Variants in GLIS3 observed in about 807,000 individuals in gnomAD.
GLIS3 encodes GLIS family zinc finger 3.
In GLIS3, 53 loss-of-function variants were observed where a neutral mutation model predicts 78.6. The ratio of observed to expected loss-of-function variants is 0.67; its 90% CI spans 0.54 to 0.85. The LOEUF is 0.85. Ranked by LOEUF, GLIS3 falls within the 40% of genes least tolerant of loss-of-function variation. The pLI is 0.00. For synonymous variants in GLIS3, 684 were observed against 509.9 expected (o/e 1.34, Z -4.60); for missense variants, 1,703 against 1,231.1 (o/e 1.38, Z -5.74).
At chr9:4,377,539 G>T in the GLIS3 span, among the ~76,000 whole-genome samples, 1 of 99,172 alleles carries the variant, frequency 1.0e-5, no homozygotes, top group African/African-American at 3.3e-5. Context: ...CTGTGAGCCA[G>T]TTCCCTTTCA....
At chr9:4,192,371 A>T (rs1369078641) in intron 2 of GLIS3, among the ~76,000 whole-genome samples, 1 of 152,234 alleles carries the variant, frequency 6.6e-6, no homozygotes, top group Non-Finnish European at 1.5e-5. Context: ...TGATGCCTCA[A>T]ATAATATTTT....
chr9:3,883,719 C>T (rs1588148176), intron 7 of GLIS3, among the ~76,000 whole-genome samples: 1 of 152,182 alleles, frequency 6.6e-6, no homozygotes, highest in East Asian at 1.9e-4. Flanking sequence ...GGGGTCATTA[C>T]TGCTTTCAAG....
At chr9:4,487,846 G>A in the GLIS3 span, among the ~76,000 whole-genome samples, 1 of 151,736 alleles carries the variant, frequency 6.6e-6, no homozygotes, top group African/African-American at 2.4e-5. Context: ...TGCCATCATG[G>A]CCAGATTATT....
chr9:3,905,558 C>G (rs1823640634), intron 6 of GLIS3, among the ~76,000 whole-genome samples: 1 of 152,106 alleles, frequency 6.6e-6, no homozygotes, highest in Non-Finnish European at 1.5e-5. Flanking sequence ...AACATGAATG[C>G]CTGCAATTGA....
intron 9 of GLIS3, among the ~76,000 whole-genome samples, chr9:3,852,142 T>C (rs1819473572): frequency 6.7e-6 from 1 of 150,212 alleles, no homozygotes; most frequent in Non-Finnish European, 1.5e-5. Context: ...GAGACTACGT[T>C]CCAAAAGAAA....
chr9:3,945,923 C>G (rs569643572), intron 4 of GLIS3, among the ~76,000 whole-genome samples: 2 of 152,256 alleles, frequency 1.3e-5, no homozygotes, highest in South Asian at 4.2e-4. Context: ...TGGGATCAGG[C>G]CTCTCCCCTC....
At chr9:3,989,698 G>C (rs1360069998) in intron 4 of GLIS3, among the ~76,000 whole-genome samples, 1 of 152,160 alleles carries the variant, frequency 6.6e-6, no homozygotes, top group Non-Finnish European at 1.5e-5. Flanking sequence ...CTAGAGGAAA[G>C]ATGAGTGGTT....
intron 8 of GLIS3, among the ~76,000 whole-genome samples, chr9:3,868,090 A>G (rs905406355): frequency 1.3e-5 from 2 of 152,202 alleles, no homozygotes; most frequent in Admixed American, 6.5e-5. Context: ...AACTATTCCA[A>G]TGATCAAGAT....
the GLIS3 span, among the ~76,000 whole-genome samples, chr9:4,416,850 C>T: frequency 6.3e-5 from 8 of 126,338 alleles, no homozygotes; most frequent in Non-Finnish European, 8.1e-5. Flanking sequence ...TGGAGTTTCA[C>T]TCTTGTTGCC....
intron 2 of GLIS3, among the ~76,000 whole-genome samples, chr9:4,257,784 G>A (rs10124777): frequency 0.15 from 22,570 of 151,738 alleles, 1,781 homozygotes; most frequent in African/African-American, 0.17. Context: ...TGTGTTAGCC[G>A]GGATGGTCTC....
intron 1 of GLIS3, among the ~76,000 whole-genome samples, chr9:4,291,647 C>T (rs1315413793): frequency 6.6e-6 from 1 of 151,944 alleles, no homozygotes; most frequent in Non-Finnish European, 1.5e-5. Flanking sequence ...ATGACCACAT[C>T]CGATTCAGGA....
chr9:3,926,636 CTTTT>C (rs903225215), intron 6 of GLIS3, among the ~76,000 whole-genome samples: 14 of 150,354 alleles, frequency 9.3e-5, no homozygotes, highest in African/African-American at 2.2e-4. Flanking sequence ...TTCTTTCTTT[CTTTT>C]GTCTTCTCAC....
intron 4 of GLIS3, among the ~76,000 whole-genome samples, chr9:3,980,908 T>G (rs1313132642): frequency 6.6e-6 from 1 of 152,232 alleles, no homozygotes; most frequent in Admixed American, 6.5e-5. Flanking sequence ...ACACTTGGCA[T>G]TTCAATGAGC....
At chr9:4,233,868 G>A (rs1376575663) in intron 2 of GLIS3, among the ~76,000 whole-genome samples, 1 of 152,166 alleles carries the variant, frequency 6.6e-6, no homozygotes, top group Non-Finnish European at 1.5e-5. Context: ...TAGATCTCCT[G>A]GAGAACTTGC....
chr9:4,265,010 C>CAA (rs35733035), intron 2 of GLIS3, among the ~76,000 whole-genome samples: 31 of 143,014 alleles, frequency 2.2e-4, no homozygotes, highest in Non-Finnish European at 3.5e-4. Context: ...ACTAAAAATA[C>CAA]AAAAAAAAAA....
intron 2 of GLIS3, among the ~76,000 whole-genome samples, chr9:4,238,490 A>T (rs1020230110): frequency 6.6e-6 from 1 of 152,198 alleles, no homozygotes; most frequent in Non-Finnish European, 1.5e-5. Flanking sequence ...AATAATTTTT[A>T]AAAAGTGCCA....
At chr9:4,454,747 T>C in the GLIS3 span, among the ~76,000 whole-genome samples, 1 of 152,190 alleles carries the variant, frequency 6.6e-6, no homozygotes, top group Non-Finnish European at 1.5e-5. Flanking sequence ...TCGGGACAGT[T>C]AGGTTCTCTC....
chr9:4,176,254 G>C (rs1443555685), intron 2 of GLIS3, among the ~76,000 whole-genome samples: 1 of 152,030 alleles, frequency 6.6e-6, no homozygotes, highest in African/African-American at 2.4e-5. Flanking sequence ...TAAAAAATTG[G>C]GAAAATAATT....
At chr9:4,417,390 A>G in the GLIS3 span, among the ~76,000 whole-genome samples, 1 of 152,218 alleles carries the variant, frequency 6.6e-6, no homozygotes, top group Non-Finnish European at 1.5e-5. Flanking sequence ...ACATTTATAC[A>G]CTTTGAAGAT....
Sources: gnomAD v4.1 joint callset for allele counts (sites outside exome capture counted in the v4.1 genomes callset) on GRCh38, gnomAD v4.1.1 for gene constraint, MANE v1.5 for transcripts, NCBI Gene and HGNC (gene_info 2026-07-23, HGNC 2026-07-21) for gene names.